Variants in PDIK1L observed in about 807,000 individuals in gnomAD.
PDIK1L encodes PDLIM1 interacting kinase 1 like.
In PDIK1L, 9 loss-of-function variants were observed where a neutral mutation model predicts 27.1. That is an observed-to-expected ratio of 0.33 (90% CI 0.20 to 0.58). The LOEUF is 0.58. Among genes scored for constraint, PDIK1L ranks in the 20% least tolerant of loss-of-function variants. The pLI is 0.86. For missense variants in PDIK1L, 216 were observed against 413.2 expected, an observed-to-expected ratio of 0.52 and a Z score of 4.14; for synonymous variants, 130 against 141.7, an observed-to-expected ratio of 0.92 and a Z score of 0.59.
chr1:26,121,759 C>T (rs989668620), intron 2 of PDIK1L, 78 bp from the exon 3 acceptor site: 3 of 1,409,300 alleles, frequency 2.1e-6, no homozygotes, highest in Non-Finnish European at 1.9e-6. Context: ...CTGACTTAAC[C>T]TTTCAATTAT....
Position 26,122,257 on chromosome 1 carries a change from G to A in PDIK1L, c.706G>A (p.Ala236Thr). Residue 236 changes from alanine (A) to threonine (T), a missense_variant, in exon 3 of 3, where the codon GCA becomes ACA. Transcript: ENST00000374269. This position sits in a 1 kb window ranked among gnomAD's most constrained non-coding sequence, Gnocchi z 5.4. ...TGAAGTTTGGGAAGGACATTACACA[G>A]CAAAAGCTGACATCTTTGCTCTGGG... Reference protein sequence around the residue: ...APEVWEGHYTAKADIFALGII... With the variant: ...APEVWEGHYTTKADIFALGII... 6.2e-7 allele frequency: 1 copy of A among 1,614,204 alleles called. No individual in the cohort carries two copies. The highest frequency in any genetic ancestry group is 8.5e-7 in the Non-Finnish European group (1 of 1,180,036).
intron 2 of PDIK1L, among the ~76,000 whole-genome samples, chr1:26,121,117 T>C (rs180870793): frequency 7.5e-4 from 114 of 152,298 alleles, no homozygotes; most frequent in Admixed American, 2.4e-3. Context: ...AGAAGAAATA[T>C]ACAAATTCAG....
chr1:26,114,000 A>G (rs1177521519), intron 1 of PDIK1L, among the ~76,000 whole-genome samples: 1 of 152,190 alleles, frequency 6.6e-6, no homozygotes, highest in Non-Finnish European at 1.5e-5. Flanking sequence ...TAACCTCTCC[A>G]TTATATAGTT....
intron 2 of PDIK1L, among the ~76,000 whole-genome samples, chr1:26,119,572 G>C (rs1380000802): frequency 1.3e-5 from 2 of 151,826 alleles, no homozygotes; most frequent in East Asian, 3.9e-4. Context: ...TTTAAAAATT[G>C]AAAGAAGAGG....
chr1:26,121,053 GATA>G (rs1216854928), intron 2 of PDIK1L, among the ~76,000 whole-genome samples: 1 of 151,626 alleles, frequency 6.6e-6, no homozygotes, highest in Non-Finnish European at 1.5e-5. Flanking sequence ...GTTATAACTA[GATA>G]ATAATAACAA....
rs2088006511 is a variant in PDIK1L, at chr1:26,122,579, A to G, written c.*2A>G. 2 of 1,596,758 alleles carry G rather than the reference A, an allele frequency of 1.3e-6. No homozygotes were observed. The highest frequency in any genetic ancestry group is 1.7e-6 in the Non-Finnish European group (2 of 1,170,650). On this transcript the variant is annotated 3_prime_UTR_variant, in exon 3 of 3. Transcript: ENST00000374269. The surrounding 1 kb of genome is among the most constrained non-coding windows in gnomAD (Gnocchi z 5.4). ...AAAGATAGCAGCTGGGAAACGTGAC[A>G]CATATTATTTGCAAATACCATGGAT...
chr1:26,112,818 G>A (rs1001961689), intron 1 of PDIK1L, among the ~76,000 whole-genome samples: 3 of 152,164 alleles, frequency 2.0e-5, no homozygotes, highest in Non-Finnish European at 4.4e-5. Flanking sequence ...ACAATCTCAG[G>A]TTACTTTTCT....
At chr1:26,120,179 G>A (rs2087954655) in intron 2 of PDIK1L, among the ~76,000 whole-genome samples, 1 of 152,114 alleles carries the variant, frequency 6.6e-6, no homozygotes, top group African/African-American at 2.4e-5. Flanking sequence ...GGGTAAAAAA[G>A]AAAGGAAGAA....
At chr1:26,119,438 A>T (rs1361493561) in intron 2 of PDIK1L, among the ~76,000 whole-genome samples, 2 of 152,126 alleles carry the variant, frequency 1.3e-5, no homozygotes, top group Non-Finnish European at 2.9e-5. Context: ...ACACACACAC[A>T]AAATATATAT....
intron 1 of PDIK1L, among the ~76,000 whole-genome samples, chr1:26,113,717 C>A (rs527662978): frequency 3.3e-5 from 5 of 152,178 alleles, no homozygotes; most frequent in Non-Finnish European, 7.4e-5. Flanking sequence ...GTATTTCTAA[C>A]TGTGAGGGGG....
chr1:26,122,183 A>G lies in PDIK1L; in HGVS notation c.632A>G (p.Asn211Ser). The change falls in exon 3 of 3, where the codon AAC (asparagine) becomes AGC (serine). Residue 211 changes from asparagine (N) to serine (S), a missense_variant. By Grantham distance (46) the Asn-to-Ser change is conservative. Coordinates refer to ENST00000374269, the MANE Select transcript of PDIK1L (RefSeq NM_152835.5). The surrounding 1 kb of genome is among the most constrained non-coding windows in gnomAD (Gnocchi z 5.4). ...GQNPEEPVSVNKCFLSTACGT... is the reference protein window; with the variant it reads ...GQNPEEPVSVSKCFLSTACGT... ...AACCCAGAAGAACCTGTCAGTGTAA[A>G]CAAGTGTTTCCTTTCCACAGCATGT... 1 of 1,614,254 alleles carries G rather than the reference A, an allele frequency of 6.2e-7. No homozygotes were observed. The highest frequency in any genetic ancestry group is 1.1e-5 in the South Asian group (1 of 91,086).
At position 26,123,690 on chromosome 1, in the gene PDIK1L, A is replaced by G. The variant is rs1003822027; in HGVS notation, c.*1113A>G. On this transcript the variant is annotated 3_prime_UTR_variant, in exon 3 of 3. Coordinates refer to ENST00000374269, the MANE Select transcript of PDIK1L (RefSeq NM_152835.5). ...TTGTCTGATTTGAAACAGTACTGGT[A>G]ATAATATGGTTGTTGAAAATGTGAT... The G allele has an allele frequency of 3.3e-5, 5 of 152,610 alleles. No homozygotes were observed. The highest frequency in any genetic ancestry group is 7.2e-5 in the African/African-American group (3 of 41,444). The allele number at this position is 152,610 out of a possible 1,614,324, so 9.5% of individuals were successfully genotyped here.
Position 26,122,737 on chromosome 1 carries a change from T to G in PDIK1L, c.*160T>G. 3 of 876,058 alleles carry G rather than the reference T, an allele frequency of 3.4e-6. No homozygotes were observed. Among genetic ancestry groups the G allele is most frequent in the Non-Finnish European group, 3.2e-6 (2 of 627,190 alleles). 54.3% of individuals were successfully genotyped at this position (876,058 alleles called of 1,614,324 possible). Reference sequence around the variant, plus strand: ...TTTCCTCATTTTTCTTAAATCCAAGTTGGCCGTTTTATTAGTATGTTTCAA... The same window carrying G: ...TTTCCTCATTTTTCTTAAATCCAAGGTGGCCGTTTTATTAGTATGTTTCAA... On this transcript the variant is annotated 3_prime_UTR_variant, in exon 3 of 3. Transcript: ENST00000374269. This position sits in a 1 kb window ranked among gnomAD's most constrained non-coding sequence, Gnocchi z 5.4.
chr1:26,120,846 G>A (rs1251784901), intron 2 of PDIK1L, among the ~76,000 whole-genome samples: 6 of 152,146 alleles, frequency 3.9e-5, no homozygotes, highest in African/African-American at 1.4e-4. Context: ...CGGCTACTTG[G>A]GAGGCCGAGG....
chr1:26,123,775 T>C lies in PDIK1L; in HGVS notation c.*1198T>C, dbSNP rs2124476569. 6.5e-6 allele frequency: 1 copy of C among 152,784 alleles called. No individual in the cohort carries two copies. Among genetic ancestry groups the C allele is most frequent in the East Asian group, 1.9e-4 (1 of 5,188 alleles). The allele number at this position is 152,784 out of a possible 1,614,324, so 9.5% of individuals were successfully genotyped here. ...AGTATGGCAAATGGATAAAATATTG[T>C]GGCATCAACTACTTTTAAAGTAGAA... On this transcript the variant is annotated 3_prime_UTR_variant, in exon 3 of 3. Transcript: ENST00000374269.
chr1:26,122,225 T>A lies in PDIK1L; in HGVS notation c.674T>A (p.Met225Lys), dbSNP rs764587388. The A allele has an allele frequency of 6.2e-7, 1 of 1,614,246 alleles. No homozygotes were observed. Among genetic ancestry groups the A allele is most frequent in the Non-Finnish European group, 8.5e-7 (1 of 1,180,040 alleles). ...ACAGCATGTGGAACAGATTTTTACATGGCTCCTGAAGTTTGGGAAGGACAT... is the reference window on the plus strand; with the variant it reads ...ACAGCATGTGGAACAGATTTTTACAAGGCTCCTGAAGTTTGGGAAGGACAT... ...LSTACGTDFY[M>K]APEVWEGHYT... Residue 225 changes from methionine (M) to lysine (K), a missense_variant, in exon 3 of 3, where the codon ATG becomes AAG. Transcript: ENST00000374269. This position sits in a 1 kb window ranked among gnomAD's most constrained non-coding sequence, Gnocchi z 5.4.
chr1:26,116,202 C>CA (rs56019165), intron 2 of PDIK1L, among the ~76,000 whole-genome samples: 371 of 128,352 alleles, frequency 2.9e-3, no homozygotes, highest in Admixed American at 4.6e-3. Context: ...GACTCCATCT[C>CA]AAAAAAAAAA....
At chr1:26,117,557 C>T (rs750403513) in intron 2 of PDIK1L, among the ~76,000 whole-genome samples, 7 of 151,998 alleles carry the variant, frequency 4.6e-5, no homozygotes, top group Non-Finnish European at 1.0e-4. Flanking sequence ...AGTCTGAAAC[C>T]AGCCTCGGCA....
At chr1:26,119,101 C>T (rs2087930051) in intron 2 of PDIK1L, among the ~76,000 whole-genome samples, 2 of 152,184 alleles carry the variant, frequency 1.3e-5, no homozygotes, top group South Asian at 2.1e-4. Context: ...TACATAATCC[C>T]GTGGTTCAAA....
Sources: gnomAD v4.1 joint callset for allele counts (sites outside exome capture counted in the v4.1 genomes callset) on GRCh38, gnomAD v4.1.1 for gene constraint, Gnocchi (gnomAD v3.1) non-coding constraint, MANE v1.5 for transcripts, NCBI Gene and HGNC (gene_info 2026-07-23, HGNC 2026-07-21) for gene names.